The following PCDHGA4 variants were observed in gnomAD, a reference collection of about 807,000 sequenced individuals.
The protein encoded by PCDHGA4 is protocadherin gamma-A4.
Under a neutral mutation model 54.6 loss-of-function variants are expected in PCDHGA4, and 38 were observed. The ratio of observed to expected loss-of-function variants is 0.70; its 90% CI spans 0.54 to 0.91. PCDHGA4 has a LOEUF of 0.91. Among genes scored for constraint, PCDHGA4 ranks in the 40% least tolerant of loss-of-function variants. The pLI is 0.00. For synonymous variants in PCDHGA4, 511 were observed against 512.9 expected, an observed-to-expected ratio of 1.00 and a Z score of 0.05; for missense variants, 1,298 against 1,220.9, an observed-to-expected ratio of 1.06 and a Z score of -0.94.
chr5:141,512,942 C>T lies in PCDHGA4; in HGVS notation c.*1769C>T, dbSNP rs1596321854. 3.3e-5 allele frequency: 5 copies of T among 151,644 alleles called. No individual in the cohort carries two copies. The South Asian group carries it at 1.0e-3, about 32-fold the overall frequency. The allele number at this position is 151,644 out of a possible 1,614,324, so 9.4% of individuals were successfully genotyped here. On this transcript the variant is annotated 3_prime_UTR_variant, in exon 4 of 4. Transcript: ENST00000571252. Reference sequence around the variant, plus strand: ...TAATATTTATATGGCTTTTTTTCTTCGACAAAAAAATAATAAAACGTTTCT... The same window carrying T: ...TAATATTTATATGGCTTTTTTTCTTTGACAAAAAAATAATAAAACGTTTCT...
chr5:141,406,528 TGAC>T (rs1369720853), intron 1 of PCDHGA4, among the ~76,000 whole-genome samples: 4 of 152,246 alleles, frequency 2.6e-5, no homozygotes, highest in Non-Finnish European at 5.9e-5. Context: ...AGATATTTTC[TGAC>T]GAAGATTCAA....
chr5:141,409,541 G>C lies in PCDHGA4; in HGVS notation c.2514+51920G>C, dbSNP rs1485327824. ...CACCTTGTATGTCGCTGACATCAAC[G>C]ACAACGCCCCAGTTTTCGACCAGAC... On this transcript the variant is annotated intron_variant, in intron 1 of 3. Coordinates refer to ENST00000571252, the MANE Select transcript of PCDHGA4 (RefSeq NM_018917.4). 16 of 1,613,852 alleles carry C rather than the reference G, an allele frequency of 9.9e-6. No homozygotes were observed. Among genetic ancestry groups the C allele is most frequent in the Admixed American group, 1.7e-5 (1 of 60,016 alleles).
In PCDHGA4 at chr5:141,355,816, G is replaced by T. The variant is rs1759996030; in HGVS notation, c.709G>T (p.Ala237Ser). ...LERALDREEEAVHHLVLTAFD... is the reference protein window; with the variant it reads ...LERALDREEESVHHLVLTAFD... ...ACGCGCTCTAGATCGCGAGGAAGAGGCGGTTCACCACCTCGTTCTCACGGC... is the reference window on the plus strand; with the variant it reads ...ACGCGCTCTAGATCGCGAGGAAGAGTCGGTTCACCACCTCGTTCTCACGGC... Residue 237 changes from alanine to serine, a missense_variant, in exon 1 of 4, where the codon GCG becomes TCG. Ala to Ser is a moderately conservative substitution (Grantham distance 99). Coordinates refer to ENST00000571252, the MANE Select transcript of PCDHGA4 (RefSeq NM_018917.4). 6.2e-7 allele frequency: 1 copy of T among 1,613,048 alleles called. No homozygotes were observed. Among genetic ancestry groups the T allele is most frequent in the South Asian group, 1.1e-5 (1 of 90,968 alleles).
chr5:141,478,623 GT>G (rs1337268572), intron 1 of PCDHGA4: 14 of 1,554,358 alleles, frequency 9.0e-6, no homozygotes, highest in African/African-American at 1.4e-5. Context: ...GAATGGAGCT[GT>G]TTTTTTAGTG....
intron 1 of PCDHGA4, chr5:141,399,059 A>G (rs769553635): frequency 1.2e-6 from 2 of 1,613,764 alleles, no homozygotes; most frequent in Middle Eastern, 1.6e-4. Context: ...ACCAAGGAAT[A>G]TTCAATGGTT....
chr5:141,492,386 G>C (rs1343104703), intron 1 of PCDHGA4, among the ~76,000 whole-genome samples: 1 of 152,202 alleles, frequency 6.6e-6, no homozygotes, highest in African/African-American at 2.4e-5. Context: ...GCCTGTTCCG[G>C]TCCACTCGCA....
intron 1 of PCDHGA4, among the ~76,000 whole-genome samples, chr5:141,464,912 T>A (rs1303305860): frequency 2.6e-5 from 4 of 152,092 alleles, no homozygotes; most frequent in Non-Finnish European, 5.9e-5. Context: ...CTAATTTTTT[T>A]ATTTTTTTGT....
In PCDHGA4 at chr5:141,372,255, C is replaced by T. The variant is rs1309371884; in HGVS notation, c.2514+14634C>T. 3.7e-6 allele frequency: 6 copies of T among 1,613,018 alleles called. No individual in the cohort carries two copies. The East Asian group carries it at 1.1e-4, about 30-fold the overall frequency. On this transcript the variant is annotated intron_variant, in intron 1 of 3. Coordinates refer to ENST00000571252, the MANE Select transcript of PCDHGA4 (RefSeq NM_018917.4). ...CGAGCCCGGGCTGTTCAGCCTGGGCCTGCGCACGGGTGAGGTGCGCACGGC... is the reference window on the plus strand; with the variant it reads ...CGAGCCCGGGCTGTTCAGCCTGGGCTTGCGCACGGGTGAGGTGCGCACGGC...
Position 141,491,880 on chromosome 5 carries a change from G to C in PCDHGA4, c.2515-2927G>C. ...GCGAAACCAGAGTGGCCGATTAAGG[G>C]ATGGGGCTCCGAGCACCGGGGGTGG... On this transcript the variant is annotated intron_variant, in intron 1 of 3. Transcript: ENST00000571252. This position sits in a 1 kb window ranked among gnomAD's most constrained non-coding sequence, Gnocchi z 6.9. 1 of 1,449,834 alleles carries C rather than the reference G, an allele frequency of 6.9e-7. No individual in the cohort carries two copies. 89.8% of individuals were successfully genotyped at this position (1,449,834 alleles called of 1,614,324 possible).
At position 141,491,458 on chromosome 5, in the gene PCDHGA4, G is replaced by T. The variant is rs867069360; in HGVS notation, c.2515-3349G>T. 1.9e-6 allele frequency: 3 copies of T among 1,613,974 alleles called. No homozygotes were observed. The highest frequency in any genetic ancestry group is 1.6e-4 in the Middle Eastern group (1 of 6,084). On this transcript the variant is annotated intron_variant, in intron 1 of 3. Coordinates refer to ENST00000571252, the MANE Select transcript of PCDHGA4 (RefSeq NM_018917.4). This position sits in a 1 kb window ranked among gnomAD's most constrained non-coding sequence, Gnocchi z 6.9. ...CAGGCGCCAGGACTCACCCTCCCCGGACTTCTATAAGCAGTCCAGCCCCAA... is the reference window on the plus strand; with the variant it reads ...CAGGCGCCAGGACTCACCCTCCCCGTACTTCTATAAGCAGTCCAGCCCCAA...
chr5:141,403,476 A>G lies in PCDHGA4; in HGVS notation c.2514+45855A>G, dbSNP rs1258805283. The G allele has an allele frequency of 5.6e-6, 9 of 1,613,972 alleles. No homozygotes were observed. In the Admixed American group the frequency reaches 8.3e-5, roughly 15 times the overall value. On this transcript the variant is annotated intron_variant, in intron 1 of 3. Coordinates refer to ENST00000571252, the MANE Select transcript of PCDHGA4 (RefSeq NM_018917.4). ...CTCCAGAGCTACCAGCTCAGCCCCA[A>G]TCACCACTTCTCCCTGAACGTGCAG...
chr5:141,453,077 T>C (rs2098755487), intron 1 of PCDHGA4, among the ~76,000 whole-genome samples: 1 of 152,090 alleles, frequency 6.6e-6, no homozygotes, highest in African/African-American at 2.4e-5. Context: ...CACACTCTGG[T>C]TGATTAGTAT....
chr5:141,477,393 G>C lies in PCDHGA4; in HGVS notation c.2515-17414G>C. ...GAGACTGTGCCAGAATACAACCTCA[G>C]CATCACCGCCCGAGACGCCGGAACC... On this transcript the variant is annotated intron_variant, in intron 1 of 3. Coordinates refer to ENST00000571252, the MANE Select transcript of PCDHGA4 (RefSeq NM_018917.4). The surrounding 1 kb of genome is among the most constrained non-coding windows in gnomAD (Gnocchi z 4.9). The C allele has an allele frequency of 6.2e-7, 1 of 1,614,098 alleles. No individual in the cohort carries two copies. The highest frequency in any genetic ancestry group is 8.5e-7 in the Non-Finnish European group (1 of 1,180,028).
chr5:141,360,445 C>T (rs1253448702), intron 1 of PCDHGA4: 5 of 1,613,934 alleles, frequency 3.1e-6, no homozygotes, highest in Non-Finnish European at 3.4e-6. Flanking sequence ...TCTGTGTGTT[C>T]TGGATTTCGA....
rs780383828 is a variant in PCDHGA4, at chr5:141,422,708, A to G, written c.2514+65087A>G. ...GCCCTGGTCACTTACTCTCTGACGGATGACACTGTCCAGGGGGTGCCTCTG... is the reference window on the plus strand; with the variant it reads ...GCCCTGGTCACTTACTCTCTGACGGGTGACACTGTCCAGGGGGTGCCTCTG... On this transcript the variant is annotated intron_variant, in intron 1 of 3. Transcript: ENST00000571252. 28 of 1,603,464 alleles carry G rather than the reference A, an allele frequency of 1.7e-5. No individual in the cohort carries two copies. The East Asian group carries it at 3.8e-4, about 22-fold the overall frequency.
At chr5:141,424,245 A>T (rs1196753393) in intron 1 of PCDHGA4, 3 of 155,310 alleles carry the variant, frequency 1.9e-5, no homozygotes, top group African/African-American at 7.2e-5. Context: ...GGTGGCTGGT[A>T]ATATGCTTAG....
chr5:141,399,627 CG>C (rs2093851448), intron 1 of PCDHGA4: 1 of 1,613,906 alleles, frequency 6.2e-7, no homozygotes, highest in Non-Finnish European at 8.5e-7. Context: ...TGGCCTCTTA[CG>C]TGTCCATGAG....
In PCDHGA4 at chr5:141,486,336, G is replaced by A. The variant is rs534793835; in HGVS notation, c.2515-8471G>A. 3.8e-5 allele frequency: 61 copies of A among 1,613,992 alleles called. No individual in the cohort carries two copies. In the African/African-American group the frequency reaches 4.3e-4, roughly 11 times the overall value. On this transcript the variant is annotated intron_variant, in intron 1 of 3. Coordinates refer to ENST00000571252, the MANE Select transcript of PCDHGA4 (RefSeq NM_018917.4). The surrounding 1 kb of genome is among the most constrained non-coding windows in gnomAD (Gnocchi z 5.0). The stretch of plus-strand genomic sequence containing the variant: ...GGGTCAAACGGAGATGTGAGCCTCC[G>A]CATTCCTGACCACTTGCCATTTGCC...
chr5:141,478,560 A>G, intron 1 of PCDHGA4: 1 of 1,598,736 alleles, frequency 6.3e-7, no homozygotes, highest in Non-Finnish European at 8.5e-7. Flanking sequence ...AGGTTTAGCA[A>G]GTCATGCTTG....
Sources: gnomAD v4.1 joint callset for allele counts (sites outside exome capture counted in the v4.1 genomes callset) on GRCh38, gnomAD v4.1.1 for gene constraint, Gnocchi (gnomAD v3.1) non-coding constraint, MANE v1.5 for transcripts, NCBI Gene and HGNC (gene_info 2026-07-23, HGNC 2026-07-21) for gene names.